Variants in MCU observed in about 807,000 individuals in gnomAD.
MCU encodes calcium uniporter protein, mitochondrial.
Under a neutral mutation model 45.2 loss-of-function variants are expected in MCU, and 12 were observed. The observed-to-expected ratio is 0.27, with a 90% CI of 0.17 to 0.43. The LOEUF is 0.43. Ranked by LOEUF, MCU falls within the 20% of genes least tolerant of loss-of-function variation. The pLI is 1.00. For synonymous variants in MCU, 160 were observed against 165.1 expected, an observed-to-expected ratio of 0.97 and a Z score of 0.24; for missense variants, 324 against 436.7, an observed-to-expected ratio of 0.74 and a Z score of 2.30.
intron 1 of MCU, among the ~76,000 whole-genome samples, chr10:72,805,239 TTTTCC>T (rs1443166274): frequency 6.7e-6 from 1 of 149,452 alleles, no homozygotes. Flanking sequence ...TTCCTTTCCT[TTTTCC>T]TTTCCTTTCT....
At chr10:72,720,550 A>G (rs1452847785) in intron 1 of MCU, among the ~76,000 whole-genome samples, 1 of 152,096 alleles carries the variant, frequency 6.6e-6, no homozygotes, top group Non-Finnish European at 1.5e-5. Context: ...CACTCTATCC[A>G]TCCTTCAAGG....
At chr10:72,780,551 T>TGTGTGTGTGTGTGTGTGTGTGG (rs1554823562) in intron 1 of MCU, among the ~76,000 whole-genome samples, 4 of 143,926 alleles carry the variant, frequency 2.8e-5, no homozygotes, top group East Asian at 2.0e-4. Flanking sequence ...TGTGTGTGTG[T>TGTGTGTGTGTGTGTGTGTGTGG]TGGGTGAATT....
At chr10:72,820,775 G>A (rs1190112553) in intron 1 of MCU, among the ~76,000 whole-genome samples, 1 of 152,172 alleles carries the variant, frequency 6.6e-6, no homozygotes, top group Non-Finnish European at 1.5e-5. Context: ...GCTTCCCAAA[G>A]TGCTGGAATT....
chr10:72,720,309 A>C (rs535172080), intron 1 of MCU, among the ~76,000 whole-genome samples: 3 of 152,248 alleles, frequency 2.0e-5, no homozygotes, highest in Non-Finnish European at 4.4e-5. Context: ...AAATAAAGAC[A>C]GGAAGGTTCT....
chr10:72,854,280 A>C (rs1407746437), intron 2 of MCU, among the ~76,000 whole-genome samples: 1 of 152,228 alleles, frequency 6.6e-6, no homozygotes, highest in African/African-American at 2.4e-5. Flanking sequence ...CAACGGAATG[A>C]GACCCTGTCT....
intron 1 of MCU, among the ~76,000 whole-genome samples, chr10:72,823,663 A>T (rs1156482139): frequency 2.0e-5 from 3 of 152,210 alleles, no homozygotes; most frequent in Non-Finnish European, 4.4e-5. Context: ...GGATATTTTT[A>T]AAAATCAAGC....
At chr10:72,816,456 G>A (rs1355288720) in intron 1 of MCU, among the ~76,000 whole-genome samples, 1 of 152,130 alleles carries the variant, frequency 6.6e-6, no homozygotes, top group Non-Finnish European at 1.5e-5. Flanking sequence ...CAATTGGTGT[G>A]TGCTTTTAAA....
chr10:72,836,236 A>G (rs1034667416), intron 2 of MCU, among the ~76,000 whole-genome samples: 12 of 152,184 alleles, frequency 7.9e-5, no homozygotes, highest in African/African-American at 2.7e-4. Context: ...AAATTGTCAT[A>G]TATTCAATAT....
intron 1 of MCU, among the ~76,000 whole-genome samples, chr10:72,829,126 G>A (rs1844840375): frequency 6.6e-6 from 1 of 152,048 alleles, no homozygotes; most frequent in Non-Finnish European, 1.5e-5. Context: ...TTCGAGACCA[G>A]CCAGGCCAAC....
At chr10:72,827,866 C>T (rs559245662) in intron 1 of MCU, among the ~76,000 whole-genome samples, 25 of 152,280 alleles carry the variant, frequency 1.6e-4, no homozygotes, top group African/African-American at 5.3e-4. Context: ...AGTCTTCCCA[C>T]TCCAGTGTTT....
intron 1 of MCU, among the ~76,000 whole-genome samples, chr10:72,791,972 C>T (rs1201128485): frequency 3.3e-5 from 5 of 152,148 alleles, no homozygotes; most frequent in Non-Finnish European, 7.4e-5. Context: ...AAGTTTGAAT[C>T]CCAGCTCTTC....
rs1204072398 is a variant in MCU, at chr10:72,856,768, TAAAAAAA to T, written c.221-2389_221-2383del. ...GGGCAACGTGGTGAAACCCTGTCTC[TAAAAAAA>T]AAAAAAAAAAAAAAAAAAATAGCCT... On this transcript the variant is annotated intron_variant, in intron 2 of 7. Coordinates refer to ENST00000373053, the MANE Select transcript of MCU (RefSeq NM_138357.3). 1.2e-4 allele frequency among the ~76,000 whole-genome samples: 8 copies of T among 64,976 alleles called. No homozygotes were observed. The East Asian group carries it at 3.1e-3, about 25-fold the overall frequency. 42.6% of individuals were successfully genotyped at this position (64,976 alleles called of 152,430 possible).
chr10:72,829,613 TAAA>T (rs35278093), intron 1 of MCU, among the ~76,000 whole-genome samples: 1 of 142,936 alleles, frequency 7.0e-6, no homozygotes. Context: ...AAGTAAAGGG[TAAA>T]AAAAAAAAAA....
chr10:72,797,819 A>G (rs951004766), intron 1 of MCU, among the ~76,000 whole-genome samples: 2 of 151,958 alleles, frequency 1.3e-5, no homozygotes, highest in Admixed American at 1.3e-4. Context: ...ATAGGCGCCC[A>G]GCCCATAATG....
chr10:72,702,349 T>C (rs1842768838), intron 1 of MCU, among the ~76,000 whole-genome samples: 1 of 152,210 alleles, frequency 6.6e-6, no homozygotes, highest in Admixed American at 6.5e-5. Context: ...GATACTTTTA[T>C]AACATTCTCT....
In MCU at chr10:72,885,882, C is replaced by T. The variant is rs1589514821; in HGVS notation, c.*60C>T. The T allele has an allele frequency of 1.4e-6, 2 of 1,395,968 alleles. No individual in the cohort carries two copies. The highest frequency in any genetic ancestry group is 4.6e-5 in the East Asian group (2 of 43,786). 86.5% of individuals were successfully genotyped at this position (1,395,968 alleles called of 1,614,324 possible). On this transcript the variant is annotated 3_prime_UTR_variant, in exon 8 of 8. Coordinates refer to ENST00000373053, the MANE Select transcript of MCU (RefSeq NM_138357.3). The stretch of plus-strand genomic sequence containing the variant: ...CACCTGTTTGCCTTTTTAATTAAAG[C>T]ATTGCAGGTGGAAGCTGGGAGCCAT...
chr10:72,699,882 G>C (rs902211921), intron 1 of MCU, among the ~76,000 whole-genome samples: 1 of 152,044 alleles, frequency 6.6e-6, no homozygotes, highest in Non-Finnish European at 1.5e-5. Context: ...GTGAGCCACT[G>C]CGCCCGGCCG....
chr10:72,809,237 A>G (rs541066429), intron 1 of MCU, among the ~76,000 whole-genome samples: 11 of 152,290 alleles, frequency 7.2e-5, no homozygotes, highest in Admixed American at 5.2e-4. Context: ...CAACATCTGG[A>G]TTTATCTAAA....
At chr10:72,782,785 A>T (rs982004235) in intron 1 of MCU, among the ~76,000 whole-genome samples, 1 of 152,210 alleles carries the variant, frequency 6.6e-6, no homozygotes, top group African/African-American at 2.4e-5. Context: ...AGTTTCTTGC[A>T]TATAGGGCTT....
Sources: allele counts gnomAD v4.1 joint callset (sites outside exome capture counted in the v4.1 genomes callset), GRCh38; gene constraint gnomAD v4.1.1; transcripts MANE v1.5; gene names NCBI Gene and HGNC (gene_info 2026-07-23, HGNC 2026-07-21).